The following PLAC9 variants were observed in gnomAD, a reference collection of about 807,000 sequenced individuals.
The protein encoded by PLAC9 is placenta-specific protein 9.
A neutral mutation model predicts 11.5 loss-of-function variants in PLAC9; 12 were observed. That is an observed-to-expected ratio of 1.05 (90% CI 0.67 to 1.69). The LOEUF (loss-of-function observed/expected upper bound fraction) is 1.69, where lower values mean the gene tolerates loss of function less well. PLAC9 is among the 40% of genes most tolerant of loss of function. The probability of loss-of-function intolerance (pLI) is 0.00; values close to 1 mark genes in which losing one functional copy is unlikely to be tolerated. For missense variants in PLAC9, 132 were observed against 130.5 expected (o/e 1.01, Z -0.06); for synonymous variants, 62 against 58.1 (o/e 1.07, Z -0.31).
chr10:80,144,950 T>C lies in PLAC9; in HGVS notation c.*40T>C. On this transcript the variant is annotated 3_prime_UTR_variant, in exon 4 of 4. Coordinates refer to ENST00000372263, the MANE Select transcript of PLAC9 (RefSeq NM_001012973.3). ...GCCCAGCAGTTGGAGGTGGTGCACC[T>C]GCCAGGCAGCGCCCACAGAACCAGC... The C allele has an allele frequency of 6.4e-7, 1 of 1,565,622 alleles. No individual in the cohort carries two copies. The highest frequency in any genetic ancestry group is 8.7e-7 in the Non-Finnish European group (1 of 1,153,934).
rs560963413 is a variant in PLAC9 at position 80,143,389 on chromosome 10, ATTT to A, written c.163-810_163-808del. 5.2e-3 allele frequency among the ~76,000 whole-genome samples: 466 copies of A among 89,916 alleles called. 2 individuals are homozygous for A. The highest frequency in any genetic ancestry group is 0.019 in the African/African-American group (385 of 19,944). 59.0% of individuals were successfully genotyped at this position (89,916 alleles called of 152,430 possible). A position where few individuals can be genotyped will look rare whatever the true frequency, so the allele number is the denominator to read the frequency against. On this transcript the variant is annotated intron_variant, in intron 2 of 3. Transcript: ENST00000372263. Reference sequence around the variant, plus strand: ...AAAAAGTTTAATTTTAAATACTTGAATTTTTTTTTTTTTTTTTTTTTTTTTTGA... The same window carrying A: ...AAAAAGTTTAATTTTAAATACTTGAATTTTTTTTTTTTTTTTTTTTTTTGA...
intron 1 of PLAC9, among the ~76,000 whole-genome samples, chr10:80,134,373 C>A (rs1253811647): frequency 6.6e-6 from 1 of 151,538 alleles, no homozygotes; most frequent in Non-Finnish European, 1.5e-5. Flanking sequence ...AACTGATTCT[C>A]CTGCCTCAGC....
In PLAC9 at chr10:80,144,325, G is replaced by A. The variant is rs748513595; in HGVS notation, c.265G>A (p.Ala89Thr). The change falls in exon 3 of 4, where the codon GCT (alanine) becomes ACT (threonine). Residue 89 changes from alanine to threonine, a missense_variant. By Grantham distance (58) the Ala-to-Thr change is moderately conservative. Transcript: ENST00000372263. The part of the protein sequence containing the change: ...WNLPPGPFSP[A>T]PDLLGDGF ...CCTGCCCCCGGGACCCTTCAGCCCC[G>A]CTCCCGACCTTCTCGGAGGTGAGCA... 8 of 1,607,828 alleles carry A rather than the reference G, an allele frequency of 5.0e-6. No homozygotes were observed. The highest frequency in any genetic ancestry group is 5.1e-6 in the Non-Finnish European group (6 of 1,179,350).
At chr10:80,138,009 G>C (rs540206726) in intron 1 of PLAC9, among the ~76,000 whole-genome samples, 50 of 152,198 alleles carry the variant, frequency 3.3e-4, no homozygotes, top group Middle Eastern at 3.4e-3. Context: ...GGCCAGGATG[G>C]AGCATAGCCC....
chr10:80,138,366 A>G (rs1204919711), intron 1 of PLAC9, among the ~76,000 whole-genome samples: 4 of 152,228 alleles, frequency 2.6e-5, no homozygotes, highest in Non-Finnish European at 5.9e-5. Flanking sequence ...CATTAAAAAA[A>G]TAACCAAAGG....
chr10:80,137,139 C>T (rs928321747), intron 1 of PLAC9, among the ~76,000 whole-genome samples: 1 of 152,218 alleles, frequency 6.6e-6, no homozygotes, highest in African/African-American at 2.4e-5. Flanking sequence ...AGCTCACGGA[C>T]AGTTGCTCCA....
At position 80,132,838 on chromosome 10, in the gene PLAC9, G is replaced by A; in HGVS notation, c.64+12G>A. 1 of 1,484,418 alleles carries A rather than the reference G, an allele frequency of 6.7e-7. No individual in the cohort carries two copies. Among genetic ancestry groups the A allele is most frequent in the Non-Finnish European group, 8.9e-7 (1 of 1,124,876 alleles). The allele number at this position is 1,484,418 out of a possible 1,614,324, so 92.0% of individuals were successfully genotyped here. A position where few individuals can be genotyped will look rare whatever the true frequency, so the allele number is the denominator to read the frequency against. ...GGGCTCTTTGGCCGGTGAGTGGGGC[G>A]CAGGGCGCGGCAGGGGACCTGGAGC... On this transcript the variant is annotated intron_variant, in intron 1 of 3. Transcript: ENST00000372263.
chr10:80,140,387 A>C (rs1845026268), intron 1 of PLAC9, among the ~76,000 whole-genome samples: 1 of 152,028 alleles, frequency 6.6e-6, no homozygotes, highest in Non-Finnish European at 1.5e-5. Flanking sequence ...ACCACTCCTA[A>C]AAGTGCTGGG....
intron 1 of PLAC9, among the ~76,000 whole-genome samples, chr10:80,141,331 G>A (rs1385115401): frequency 1.1e-4 from 17 of 152,144 alleles, no homozygotes; most frequent in Admixed American, 9.8e-4. Context: ...TGGCTTGGTG[G>A]CTTACACCTG....
upstream of PLAC9, among the ~76,000 whole-genome samples, chr10:80,132,273 G>A (rs1207367415): frequency 2.6e-5 from 4 of 152,116 alleles, no homozygotes; most frequent in Non-Finnish European, 2.9e-5. Flanking sequence ...TTAATTTCTT[G>A]TTCGTAGGTA....
intron 1 of PLAC9, among the ~76,000 whole-genome samples, chr10:80,139,400 C>G (rs1374138571): frequency 6.6e-6 from 1 of 152,186 alleles, no homozygotes; most frequent in African/African-American, 2.4e-5. Context: ...CTCTCCTAAA[C>G]CTCTGGCCAA....
At chr10:80,139,569 A>C (rs1432372913) in intron 1 of PLAC9, among the ~76,000 whole-genome samples, 1 of 152,106 alleles carries the variant, frequency 6.6e-6, no homozygotes, top group African/African-American at 2.4e-5. Flanking sequence ...ATGCCGGCTC[A>C]TTCTGCATAG....
chr10:80,144,346 G>C lies in PLAC9; in HGVS notation c.283+3G>C. 1 of 1,597,522 alleles carries C rather than the reference G, an allele frequency of 6.3e-7. No homozygotes were observed. Among genetic ancestry groups the C allele is most frequent in the Non-Finnish European group, 8.5e-7 (1 of 1,176,292 alleles). On this transcript the variant is annotated splice_donor_region_variant and intron_variant, in intron 3 of 3. Coordinates refer to ENST00000372263, the MANE Select transcript of PLAC9 (RefSeq NM_001012973.3). ...CCCCGCTCCCGACCTTCTCGGAGGT[G>C]AGCAGTGCAGGTGGCAGAGGACAGC... is the stretch of plus-strand genomic sequence containing the variant.
rs1845090266 is a variant in PLAC9, at chr10:80,145,265, G to A, written c.*355G>A. 9 of 423,050 alleles carry A rather than the reference G, an allele frequency of 2.1e-5. No homozygotes were observed. Among genetic ancestry groups the A allele is most frequent in the Admixed American group, 4.5e-5 (1 of 22,100 alleles). 26.2% of individuals were successfully genotyped at this position (423,050 alleles called of 1,614,324 possible). ...AAAAGCAAGGGGATCAGGGTCTCAGGACCCACCCAGACTGTTTAATCCAAA... is the reference window on the plus strand; with the variant it reads ...AAAAGCAAGGGGATCAGGGTCTCAGAACCCACCCAGACTGTTTAATCCAAA... On this transcript the variant is annotated 3_prime_UTR_variant, in exon 4 of 4. Coordinates refer to ENST00000372263, the MANE Select transcript of PLAC9 (RefSeq NM_001012973.3).
In PLAC9 at chr10:80,145,315, G is replaced by T; in HGVS notation, c.*405G>T. The T allele has an allele frequency of 6.7e-6, 2 of 300,104 alleles. No homozygotes were observed. Among genetic ancestry groups the T allele is most frequent in the Non-Finnish European group, 1.2e-5 (2 of 162,232 alleles). The allele number at this position is 300,104 out of a possible 1,614,324, so 18.6% of individuals were successfully genotyped here. ...ATCTGCATTGCAATGAGACCCCCAGGGATTTTATGTGTCCATTAAAGTGGT... is the reference window on the plus strand; with the variant it reads ...ATCTGCATTGCAATGAGACCCCCAGTGATTTTATGTGTCCATTAAAGTGGT... On this transcript the variant is annotated 3_prime_UTR_variant, in exon 4 of 4. Transcript: ENST00000372263.
chr10:80,143,705 GAAT>G (rs1207258299), intron 2 of PLAC9, among the ~76,000 whole-genome samples: 15 of 152,068 alleles, frequency 9.9e-5, no homozygotes, highest in Admixed American at 7.9e-4. Flanking sequence ...CCTAATACTT[GAAT>G]AATATTTTAA....
upstream of PLAC9, among the ~76,000 whole-genome samples, chr10:80,132,406 G>A (rs2297734): frequency 2.0e-5 from 3 of 152,182 alleles, no homozygotes; most frequent in East Asian, 3.9e-4. Flanking sequence ...AAACTGGCTC[G>A]TAACAAACCC....
intron 1 of PLAC9, among the ~76,000 whole-genome samples, chr10:80,136,452 G>A (rs1016958980): frequency 6.6e-6 from 1 of 152,040 alleles, no homozygotes; most frequent in Non-Finnish European, 1.5e-5. Flanking sequence ...GTGCATGTGC[G>A]TGTCTACTAT....
rs191073788 is a variant in PLAC9 at position 80,139,303 on chromosome 10, C to T, written c.65-2779C>T. Among the ~76,000 whole-genome samples, 18 of 152,270 alleles carry T rather than the reference C, an allele frequency of 1.2e-4. No homozygotes were observed. The East Asian group carries it at 3.5e-3, about 29-fold the overall frequency. ...TTCCTCCTGTGATTCCTAAGACCTC[C>T]AGTCTCTTCAGCCCCCATTTCTCCC... On this transcript the variant is annotated intron_variant, in intron 1 of 3. Transcript: ENST00000372263.
Sources: gnomAD v4.1 joint callset for allele counts (sites outside exome capture counted in the v4.1 genomes callset) on GRCh38, gnomAD v4.1.1 for gene constraint, MANE v1.5 for transcripts, NCBI Gene and HGNC (gene_info 2026-07-23, HGNC 2026-07-21) for gene names.